Variants in ANKRD50 observed in about 807,000 individuals in gnomAD.
ANKRD50 encodes the protein ankyrin repeat domain 50.
Under a neutral mutation model 112.0 loss-of-function variants are expected in ANKRD50, and 40 were observed. The observed-to-expected ratio is 0.36, with a 90% CI of 0.28 to 0.46. The LOEUF (loss-of-function observed/expected upper bound fraction) is 0.46, where lower values mean the gene tolerates loss of function less well. Among genes scored for constraint, ANKRD50 ranks in the 20% least tolerant of loss-of-function variants. The probability of loss-of-function intolerance (pLI) is 1.00; values close to 1 mark genes in which losing one functional copy is unlikely to be tolerated. For synonymous variants in ANKRD50, 613 were observed against 619.1 expected (o/e 0.99, Z 0.15); for missense variants, 1,487 against 1,701.7 (o/e 0.87, Z 2.22).
At chr4:124,706,352 T>C (rs908237953) in intron 2 of ANKRD50, among the ~76,000 whole-genome samples, 1 of 152,088 alleles carries the variant, frequency 6.6e-6, no homozygotes, top group African/African-American at 2.4e-5. Context: ...TACTATACCA[T>C]GTCAGAAGGG....
At chr4:124,702,877 A>C (rs1308581865) in intron 2 of ANKRD50, among the ~76,000 whole-genome samples, 1 of 152,188 alleles carries the variant, frequency 6.6e-6, no homozygotes, top group African/African-American at 2.4e-5. Flanking sequence ...ATTAAGAAAT[A>C]AATGAATCAT....
intron 2 of ANKRD50, among the ~76,000 whole-genome samples, chr4:124,685,225 C>T (rs1439085936): frequency 6.6e-6 from 1 of 152,186 alleles, no homozygotes; most frequent in Non-Finnish European, 1.5e-5. Context: ...CTATCTTGTG[C>T]ACTGTTAAAT....
intron 2 of ANKRD50, among the ~76,000 whole-genome samples, chr4:124,708,707 C>T (rs904161090): frequency 6.6e-6 from 1 of 151,310 alleles, no homozygotes. Flanking sequence ...CACACACACA[C>T]ACACACACAC....
At chr4:124,708,755 A>G (rs994796678) in intron 2 of ANKRD50, among the ~76,000 whole-genome samples, 6 of 150,114 alleles carry the variant, frequency 4.0e-5, no homozygotes, top group African/African-American at 1.5e-4. Flanking sequence ...CAGCCCTGCC[A>G]TTTACTAGTC....
intron 4 of ANKRD50, 116 bp from the exon 5 acceptor site, chr4:124,667,630 T>C (rs912392356): frequency 3.3e-5 from 5 of 152,092 alleles, no homozygotes; most frequent in African/African-American, 1.2e-4. Flanking sequence ...ATATTTACCA[T>C]GCAAAGCACA....
intron 3 of ANKRD50, among the ~76,000 whole-genome samples, chr4:124,674,267 T>G (rs1730722738): frequency 6.6e-6 from 1 of 151,962 alleles, no homozygotes; most frequent in Non-Finnish European, 1.5e-5. Context: ...ATTACACTAC[T>G]TGATTTACAT....
chr4:124,690,019 A>G (rs1725099623), intron 2 of ANKRD50, among the ~76,000 whole-genome samples: 1 of 152,166 alleles, frequency 6.6e-6, no homozygotes, highest in Non-Finnish European at 1.5e-5. Context: ...TATTCTTACC[A>G]TACTCCAAAG....
intron 2 of ANKRD50, among the ~76,000 whole-genome samples, chr4:124,680,046 T>C (rs1242776691): frequency 6.6e-6 from 1 of 152,238 alleles, no homozygotes; most frequent in Non-Finnish European, 1.5e-5. Context: ...TCTCTTCATG[T>C]AGTTTATCTT....
At chr4:124,709,581 TA>T (rs1281249638) in intron 2 of ANKRD50, among the ~76,000 whole-genome samples, 10 of 151,838 alleles carry the variant, frequency 6.6e-5, no homozygotes, top group Non-Finnish European at 1.2e-4. Context: ...CTTTCTTACT[TA>T]AAAAAATACT....
At position 124,669,678 on chromosome 4, in the gene ANKRD50, G is replaced by A. The variant is rs748993444; in HGVS notation, c.3599C>T (p.Thr1200Met). 1.2e-5 allele frequency: 19 copies of A among 1,612,566 alleles called. No individual in the cohort carries two copies. The highest frequency in any genetic ancestry group is 3.3e-5 in the South Asian group (3 of 90,628). The change falls in exon 4 of 5, where the codon ACG (threonine) becomes ATG (methionine). Residue 1200 changes from threonine to methionine, a missense_variant. Thr to Met is a moderately conservative substitution (Grantham distance 81). Transcript: ENST00000504087. ...GCTATCAATTGGCACTGTTTGAGCC[G>A]TTGCTGTAGATGAAGTAGTTCTCAA... is the stretch of plus-strand genomic sequence containing the variant. ...SSLRTTSSTA[T>M]AQTVPIDSFH...
chr4:124,708,923 T>G (rs903129141), intron 2 of ANKRD50, among the ~76,000 whole-genome samples: 1 of 151,928 alleles, frequency 6.6e-6, no homozygotes, highest in African/African-American at 2.4e-5. Context: ...TTACTGTAAT[T>G]ACTATTAAAT....
intron 2 of ANKRD50, among the ~76,000 whole-genome samples, chr4:124,707,973 G>A (rs1725542690): frequency 6.6e-6 from 1 of 151,884 alleles, no homozygotes. Flanking sequence ...CAACATTCAG[G>A]TATCAGAAAT....
At chr4:124,681,471 G>A (rs1275555925) in intron 2 of ANKRD50, among the ~76,000 whole-genome samples, 2 of 152,104 alleles carry the variant, frequency 1.3e-5, no homozygotes, top group Non-Finnish European at 2.9e-5. Context: ...TCAGGACCCA[G>A]CCCCGCCTCT....
rs1730523554 is a variant in ANKRD50, at chr4:124,667,494, T to G, written c.*24A>C. 6.6e-6 allele frequency: 1 copy of G among 152,058 alleles called. No individual in the cohort carries two copies. Among genetic ancestry groups the G allele is most frequent in the Admixed American group, 6.6e-5 (1 of 15,248 alleles). The allele number at this position is 152,058 out of a possible 1,614,324, so 9.4% of individuals were successfully genotyped here. ...GAAGAACCACTCCATCACAATGTCT[T>G]CTGTTTCACAGAATAGGAAACTAAT... On this transcript the variant is annotated 3_prime_UTR_variant, in exon 5 of 5. Coordinates refer to ENST00000504087, the MANE Select transcript of ANKRD50 (RefSeq NM_020337.3).
rs1427842144 is a variant in ANKRD50 at position 124,678,788 on chromosome 4, T to G, written c.630A>C (p.Leu210Phe). ...CTAAAAGTGCTGCAACAGTCCCAGA[T>G]AAGCTGGTAGACGTTTGTTCACCTT... ...ITEGEQTSTS[L>F]SGTVAALLAG... Residue 210 changes from leucine (L) to phenylalanine (F), a missense_variant, in exon 3 of 5, where the codon TTA (leucine) becomes TTC (phenylalanine). Transcript: ENST00000504087. 3.1e-6 allele frequency: 5 copies of G among 1,613,920 alleles called. No individual in the cohort carries two copies. The highest frequency in any genetic ancestry group is 1.1e-5 in the South Asian group (1 of 91,084).
intron 2 of ANKRD50, among the ~76,000 whole-genome samples, chr4:124,688,472 T>C (rs1057509345): frequency 6.6e-6 from 1 of 152,176 alleles, no homozygotes; most frequent in Non-Finnish European, 1.5e-5. Context: ...ATCAAAATTA[T>C]AAACCTGTAC....
At chr4:124,676,880 T>C (rs532470382) in intron 3 of ANKRD50, among the ~76,000 whole-genome samples, 1 of 151,658 alleles carries the variant, frequency 6.6e-6, no homozygotes, top group Non-Finnish European at 1.5e-5. Flanking sequence ...CAGAATTTCA[T>C]GGAAAAAAGG....
chr4:124,699,832 A>T (rs1191477929), intron 2 of ANKRD50, among the ~76,000 whole-genome samples: 2 of 151,920 alleles, frequency 1.3e-5, no homozygotes, highest in Non-Finnish European at 2.9e-5. Context: ...AAGCAATAAA[A>T]ATTACCAGTG....
intron 2 of ANKRD50, 108 bp downstream of exon 2, chr4:124,709,892 G>A (rs1725589826): frequency 1.4e-6 from 2 of 1,433,754 alleles, no homozygotes; most frequent in Admixed American, 2.4e-5. Flanking sequence ...AAGGCCAAAT[G>A]TACAGCACCA....
Sources: allele counts gnomAD v4.1 joint callset (sites outside exome capture counted in the v4.1 genomes callset), GRCh38; gene constraint gnomAD v4.1.1; transcripts MANE v1.5; gene names NCBI Gene and HGNC (gene_info 2026-07-23, HGNC 2026-07-21).